The following CFAP299 variants were observed in gnomAD, a reference collection of about 807,000 sequenced individuals.
CFAP299 encodes the protein cilia and flagella associated protein 299, also known as cilia- and flagella-associated protein 299.
In CFAP299, 21 loss-of-function variants were observed where a neutral mutation model predicts 27.0. The observed-to-expected ratio is 0.78, with a 90% CI of 0.55 to 1.12. The LOEUF is 1.12. CFAP299 is among the 50% of genes most tolerant of loss of function. CFAP299 has a pLI of 0.00. For missense variants in CFAP299, 310 were observed against 276.6 expected, an observed-to-expected ratio of 1.12 and a Z score of -0.86; for synonymous variants, 104 against 98.1, an observed-to-expected ratio of 1.06 and a Z score of -0.36.
intron 3 of CFAP299, among the ~76,000 whole-genome samples, chr4:80,815,810 T>C (rs1729392361): frequency 6.6e-6 from 1 of 151,982 alleles, no homozygotes. Flanking sequence ...ATGTATAAAA[T>C]TGAATGCGTA....
chr4:80,475,739 TAA>T (rs889855970), intron 2 of CFAP299, among the ~76,000 whole-genome samples: 3 of 152,210 alleles, frequency 2.0e-5, no homozygotes, highest in Non-Finnish European at 4.4e-5. Flanking sequence ...CAGAAATAGA[TAA>T]GTGTCGCAAA....
At chr4:80,671,237 TAA>T (rs1283443138) in intron 3 of CFAP299, among the ~76,000 whole-genome samples, 1 of 152,208 alleles carries the variant, frequency 6.6e-6, no homozygotes, top group African/African-American at 2.4e-5. Flanking sequence ...CACCATTTAT[TAA>T]ATAGGGAATC....
chr4:80,388,991 G>A (rs1457841062), intron 2 of CFAP299, among the ~76,000 whole-genome samples: 1 of 152,114 alleles, frequency 6.6e-6, no homozygotes, highest in African/African-American at 2.4e-5. Context: ...ATGTGGGTGT[G>A]TACATGTGTT....
At chr4:80,645,597 A>G (rs987044263) in intron 3 of CFAP299, among the ~76,000 whole-genome samples, 3 of 152,188 alleles carry the variant, frequency 2.0e-5, no homozygotes, top group Admixed American at 1.3e-4. Flanking sequence ...TAGCACGTTC[A>G]GTGCTCAAGA....
intron 3 of CFAP299, among the ~76,000 whole-genome samples, chr4:80,826,270 G>GA (rs1272140449): frequency 1.3e-5 from 2 of 150,428 alleles, no homozygotes; most frequent in East Asian, 1.9e-4. Context: ...TATTTCACTA[G>GA]AAAAAAAACA....
intron 3 of CFAP299, among the ~76,000 whole-genome samples, chr4:80,839,197 C>G (rs547072705): frequency 9.9e-5 from 15 of 152,102 alleles, no homozygotes; most frequent in Non-Finnish European, 2.1e-4. Flanking sequence ...TTATACTGTT[C>G]TTCCCATTGT....
At chr4:80,488,233 G>A (rs1444981388) in intron 2 of CFAP299, among the ~76,000 whole-genome samples, 1 of 152,206 alleles carries the variant, frequency 6.6e-6, no homozygotes, top group Non-Finnish European at 1.5e-5. Flanking sequence ...TGCCGCAGAA[G>A]TAATGCAAGA....
chr4:80,582,502 C>G (rs765006077), intron 2 of CFAP299, among the ~76,000 whole-genome samples: 7 of 151,822 alleles, frequency 4.6e-5, no homozygotes, highest in Non-Finnish European at 8.8e-5. Context: ...CTCTTGAACT[C>G]ACTATTATGT....
At chr4:80,369,204 CAG>C (rs1724008501) in intron 2 of CFAP299, among the ~76,000 whole-genome samples, 1 of 152,204 alleles carries the variant, frequency 6.6e-6, no homozygotes, top group African/African-American at 2.4e-5. Context: ...TCACAGCTGG[CAG>C]AAATTCCTTT....
chr4:80,818,012 G>A (rs72881512), intron 3 of CFAP299, among the ~76,000 whole-genome samples: 2,540 of 151,936 alleles, frequency 0.017, 42 homozygotes, highest in African/African-American at 0.045. Context: ...CCCTGCCTCC[G>A]ATAAGCCCCA....
chr4:80,798,534 T>C (rs962397623), intron 3 of CFAP299, among the ~76,000 whole-genome samples: 7 of 152,130 alleles, frequency 4.6e-5, no homozygotes, highest in Admixed American at 2.6e-4. Flanking sequence ...GGTGAAGCTG[T>C]GCATGCACCT....
chr4:80,799,421 T>C (rs1319732575), intron 3 of CFAP299, among the ~76,000 whole-genome samples: 2 of 89,888 alleles, frequency 2.2e-5, no homozygotes, highest in African/African-American at 9.2e-5. Context: ...ATATAAGTAA[T>C]ATTTATAATA....
At chr4:80,608,122 C>A (rs1737772709) in intron 3 of CFAP299, among the ~76,000 whole-genome samples, 1 of 152,004 alleles carries the variant, frequency 6.6e-6, no homozygotes, top group South Asian at 2.1e-4. Flanking sequence ...CTTATCTGTA[C>A]AGTTATAATA....
At chr4:80,591,612 C>A (rs1422815964) in intron 3 of CFAP299, among the ~76,000 whole-genome samples, 2 of 152,036 alleles carry the variant, frequency 1.3e-5, no homozygotes, top group Non-Finnish European at 2.9e-5. Flanking sequence ...TACTATTGAG[C>A]CAATAGGTTT....
intron 4 of CFAP299, among the ~76,000 whole-genome samples, chr4:80,898,831 A>G (rs889263323): frequency 6.6e-6 from 1 of 152,180 alleles, no homozygotes; most frequent in Non-Finnish European, 1.5e-5. Context: ...GGTAATTTCC[A>G]GGAAATAAAA....
intron 3 of CFAP299, among the ~76,000 whole-genome samples, chr4:80,844,499 G>T (rs1731052428): frequency 6.6e-6 from 1 of 152,138 alleles, no homozygotes; most frequent in South Asian, 2.1e-4. Context: ...TTTCTCTGAT[G>T]GCCAGTGACG....
upstream of CFAP299, among the ~76,000 whole-genome samples, chr4:80,333,841 A>G (rs913043845): frequency 3.9e-5 from 6 of 152,220 alleles, no homozygotes; most frequent in African/African-American, 1.4e-4. Flanking sequence ...TTTCTTGATC[A>G]TAACAAAAGC....
intron 2 of CFAP299, among the ~76,000 whole-genome samples, chr4:80,417,642 T>A (rs767786241): frequency 2.0e-5 from 3 of 152,170 alleles, no homozygotes; most frequent in Non-Finnish European, 4.4e-5. Flanking sequence ...TACAATCATA[T>A]TTCCTGTTCT....
Position 80,494,753 on chromosome 4 carries a change from A to G in CFAP299, c.243-88340A>G, listed in dbSNP as rs115541926. Among the ~76,000 whole-genome samples the G allele has an allele frequency of 6.8e-3, 886 of 130,258 alleles. 6 individuals are homozygous for G. The highest frequency in any genetic ancestry group is 0.03 in the African/African-American group (826 of 27,792). The allele number at this position is 130,258 out of a possible 152,430, so 85.5% of individuals were successfully genotyped here. A position where few individuals can be genotyped will look rare whatever the true frequency, so the allele number is the denominator to read the frequency against. The stretch of plus-strand genomic sequence containing the variant: ...GTAGTAAATGTCAATTATGTTGGGT[A>G]CATTAATATGTTATCCATTTATTTT... On this transcript the variant is annotated intron_variant, in intron 2 of 5. Coordinates refer to ENST00000358105, the MANE Select transcript of CFAP299 (RefSeq NM_152770.3).
Sources: allele counts gnomAD v4.1 joint callset (sites outside exome capture counted in the v4.1 genomes callset), GRCh38; gene constraint gnomAD v4.1.1; transcripts MANE v1.5; gene names NCBI Gene and HGNC (gene_info 2026-07-23, HGNC 2026-07-21).